GRIK2: variants seen among roughly 807,000 people sequenced by gnomAD.
GRIK2 encodes glutamate receptor ionotropic, kainate 2.
In GRIK2, 32 loss-of-function variants were observed where a neutral mutation model predicts 100.3. The observed-to-expected ratio is 0.32, with a 90% CI of 0.24 to 0.43. The LOEUF is 0.43. Ranked by LOEUF, GRIK2 falls within the 20% of genes least tolerant of loss-of-function variation. The pLI, the probability that GRIK2 is intolerant of heterozygous loss-of-function variation, is 1.00. For missense variants in GRIK2, 843 were observed against 1,114.9 expected (o/e 0.76, Z 3.47); for synonymous variants, 417 against 389.4 (o/e 1.07, Z -0.83).
chr6:101,910,526 AT>A (rs1199708625), intron 12 of GRIK2, among the ~76,000 whole-genome samples: 2 of 151,294 alleles, frequency 1.3e-5, no homozygotes, highest in Non-Finnish European at 3.0e-5. Context: ...AGTGTTAGCA[AT>A]GTATAATTTT....
At position 101,579,119 on chromosome 6, in the gene GRIK2, C is replaced by T. The variant is rs1777927724; in HGVS notation, c.116-42830C>T. ...AAAGCACATAGTAAATGCCTGATGT[C>T]ACACACACACACACACTCCCTTGAT... On this transcript the variant is annotated intron_variant, in intron 2 of 16. Coordinates refer to ENST00000369134, the MANE Select transcript of GRIK2 (RefSeq NM_021956.5). Among the ~76,000 whole-genome samples, 2 of 145,174 alleles carry T rather than the reference C, an allele frequency of 1.4e-5. 1 individual carries two copies. The highest frequency in any genetic ancestry group is 4.2e-4 in the South Asian group (2 of 4,722).
intron 2 of GRIK2, among the ~76,000 whole-genome samples, chr6:101,500,389 TAG>T (rs1322921047): frequency 1.3e-5 from 2 of 152,102 alleles, no homozygotes; most frequent in African/African-American, 2.4e-5. Context: ...TGCTGAGACT[TAG>T]AGTAATCTAT....
At chr6:101,773,976 G>GATGCATATTGATATGTTTTGT in intron 7 of GRIK2, among the ~76,000 whole-genome samples, 1 of 152,242 alleles carries the variant, frequency 6.6e-6, no homozygotes, top group Admixed American at 6.5e-5. Context: ...AGTCATAAAA[G>GATGCATATTGATATGTTTTGT]ATGCATATTG....
rs1000169065 is a variant in GRIK2, at chr6:101,759,850, A to AT, written c.952-39790dup. ...ACTAGCTAGATAAATGCAGCATTTT[A>AT]TTTTTTTTATTTTTTTATTTATTTT... On this transcript the variant is annotated intron_variant, in intron 7 of 16. Transcript: ENST00000369134. Among the ~76,000 whole-genome samples, 6 of 138,608 alleles carry AT rather than the reference A, an allele frequency of 4.3e-5. No individual in the cohort carries two copies. The Admixed American group carries it at 4.4e-4, about 10-fold the overall frequency. 90.9% of individuals were successfully genotyped at this position (138,608 alleles called of 152,430 possible). A position where few individuals can be genotyped will look rare whatever the true frequency, so the allele number is the denominator to read the frequency against.
At chr6:101,874,469 T>G (rs1785665411) in intron 11 of GRIK2, among the ~76,000 whole-genome samples, 1 of 152,334 alleles carries the variant, frequency 6.6e-6, no homozygotes, top group East Asian at 1.9e-4. Context: ...TCTGTTTTGG[T>G]ACCAGTACCA....
chr6:101,480,017 G>GT (rs1772445410), intron 2 of GRIK2, among the ~76,000 whole-genome samples: 1 of 152,036 alleles, frequency 6.6e-6, no homozygotes, highest in Non-Finnish European at 1.5e-5. Context: ...AAATAACATT[G>GT]TTTTAGCCTC....
intron 10 of GRIK2, among the ~76,000 whole-genome samples, chr6:101,821,975 A>G (rs1053846314): frequency 1.3e-5 from 2 of 152,090 alleles, no homozygotes; most frequent in African/African-American, 4.8e-5. Flanking sequence ...ACGTGTCTTT[A>G]AAAAATGATG....
At chr6:101,413,929 G>T (rs1299870683) in intron 2 of GRIK2, among the ~76,000 whole-genome samples, 1 of 151,814 alleles carries the variant, frequency 6.6e-6, no homozygotes, top group Non-Finnish European at 1.5e-5. Context: ...TTTGCCATTT[G>T]TTCATTTATT....
At chr6:101,530,603 G>T (rs2128284540) in intron 2 of GRIK2, among the ~76,000 whole-genome samples, 1 of 152,004 alleles carries the variant, frequency 6.6e-6, no homozygotes, top group East Asian at 1.9e-4. Flanking sequence ...ATACAAATTT[G>T]GCTTTATCTA....
chr6:101,485,365 A>G (rs539514051), intron 2 of GRIK2, among the ~76,000 whole-genome samples: 300 of 152,272 alleles, frequency 2.0e-3, no homozygotes, highest in African/African-American at 6.8e-3. Context: ...GCATTGCATT[A>G]TAATTATTTT....
chr6:101,665,251 T>A (rs1320229382), intron 4 of GRIK2, among the ~76,000 whole-genome samples: 3 of 152,166 alleles, frequency 2.0e-5, no homozygotes. Context: ...TTAACCCTAC[T>A]GCTTCCCCCA....
chr6:101,987,930 A>T (rs1794109714), intron 14 of GRIK2, among the ~76,000 whole-genome samples: 1 of 151,580 alleles, frequency 6.6e-6, no homozygotes, highest in African/African-American at 2.4e-5. Context: ...TATAGATTCC[A>T]AGTCCATAAC....
At chr6:101,873,510 G>A (rs1363303039) in intron 11 of GRIK2, among the ~76,000 whole-genome samples, 1 of 151,946 alleles carries the variant, frequency 6.6e-6, no homozygotes, top group Non-Finnish European at 1.5e-5. Context: ...GGACATTTGA[G>A]TTGGTTCCTA....
chr6:101,463,783 G>A (rs1771469217), intron 2 of GRIK2, among the ~76,000 whole-genome samples: 1 of 151,820 alleles, frequency 6.6e-6, no homozygotes, highest in South Asian at 2.1e-4. Context: ...ATGGAAAGTA[G>A]TATTTCCCAA....
intron 14 of GRIK2, among the ~76,000 whole-genome samples, chr6:101,966,171 ATTAAAG>A (rs953777969): frequency 3.0e-4 from 46 of 152,278 alleles, no homozygotes; most frequent in Middle Eastern, 3.4e-3. Flanking sequence ...GCATTCCCAA[ATTAAAG>A]TTAATTATTC....
intron 4 of GRIK2, among the ~76,000 whole-genome samples, chr6:101,641,859 A>G (rs1033129952): frequency 6.6e-6 from 1 of 151,962 alleles, no homozygotes; most frequent in Admixed American, 6.6e-5. Flanking sequence ...CCATTAAACA[A>G]TAATTCTTGA....
At chr6:101,949,434 A>T (rs1378876113) in intron 14 of GRIK2, among the ~76,000 whole-genome samples, 1 of 152,000 alleles carries the variant, frequency 6.6e-6, no homozygotes, top group Non-Finnish European at 1.5e-5. Context: ...TGTTACATAG[A>T]TATACACAGT....
intron 7 of GRIK2, among the ~76,000 whole-genome samples, chr6:101,696,750 T>A (rs1582978677): frequency 6.6e-6 from 1 of 151,850 alleles, no homozygotes; most frequent in South Asian, 2.1e-4. Flanking sequence ...AATAGGCAGG[T>A]TATATATAGA....
chr6:101,700,853 C>T (rs952791983), intron 7 of GRIK2, among the ~76,000 whole-genome samples: 1 of 152,030 alleles, frequency 6.6e-6, no homozygotes, highest in Non-Finnish European at 1.5e-5. Context: ...TGGTATAGAG[C>T]CCAGGGGGCT....
Sources: gnomAD v4.1 joint callset for allele counts (sites outside exome capture counted in the v4.1 genomes callset) on GRCh38, gnomAD v4.1.1 for gene constraint, MANE v1.5 for transcripts, NCBI Gene and HGNC (gene_info 2026-07-23, HGNC 2026-07-21) for gene names.